GUCY1A2: variants seen among roughly 807,000 people sequenced by gnomAD.
GUCY1A2 encodes guanylate cyclase 1 soluble subunit alpha 2, also known as guanylate cyclase soluble subunit alpha-2.
In GUCY1A2, 27 loss-of-function variants were observed where a neutral mutation model predicts 63.5. The ratio of observed to expected loss-of-function variants is 0.43; its 90% CI spans 0.31 to 0.59. The LOEUF is 0.59. Among genes scored for constraint, GUCY1A2 ranks in the 20% least tolerant of loss-of-function variants. The pLI is 0.11. For synonymous variants in GUCY1A2, 364 were observed against 343.5 expected (o/e 1.06, Z -0.66); for missense variants, 768 against 913.3 (o/e 0.84, Z 2.05).
In GUCY1A2 at chr11:106,679,439, G is replaced by A. The variant is rs1386398640; in HGVS notation, c.*8110C>T. 2.6e-5 allele frequency: 5 copies of A among 195,920 alleles called. No homozygotes were observed. The allele number at this position is 195,920 out of a possible 1,614,324, so 12.1% of individuals were successfully genotyped here. On this transcript the variant is annotated 3_prime_UTR_variant, in exon 8 of 8. Coordinates refer to ENST00000526355, the MANE Select transcript of GUCY1A2 (RefSeq NM_000855.3). Reference sequence around the variant, plus strand: ...GCCAAACCCAATTTGAGAAGAATGTGAAGAAGAATATGGCGTAGAGTACAG... The same window carrying A: ...GCCAAACCCAATTTGAGAAGAATGTAAAGAAGAATATGGCGTAGAGTACAG...
chr11:106,939,379 A>T (rs771706802), intron 4 of GUCY1A2, 81 bp downstream of exon 4: 35 of 741,722 alleles, frequency 4.7e-5, no homozygotes, highest in Non-Finnish European at 7.3e-5. Flanking sequence ...AAATAATTAC[A>T]AGTACAGCCA....
chr11:106,950,836 G>A (rs963524966), intron 3 of GUCY1A2, among the ~76,000 whole-genome samples: 13 of 152,218 alleles, frequency 8.5e-5, no homozygotes, highest in Middle Eastern at 3.4e-3. Flanking sequence ...ATAGGTATGC[G>A]CTTGCCATGG....
At chr11:106,847,507 C>A (rs1214715314) in intron 4 of GUCY1A2, among the ~76,000 whole-genome samples, 2 of 151,316 alleles carry the variant, frequency 1.3e-5, no homozygotes, top group Admixed American at 6.6e-5. Context: ...ACACAAATTA[C>A]TCCAAGATGA....
At chr11:106,715,825 T>C (rs1863204046) in intron 6 of GUCY1A2, among the ~76,000 whole-genome samples, 1 of 152,164 alleles carries the variant, frequency 6.6e-6, no homozygotes, top group Non-Finnish European at 1.5e-5. Flanking sequence ...TAAACAGAAA[T>C]AAGTCTTCAT....
At chr11:106,936,329 T>C (rs1187386507) in intron 4 of GUCY1A2, among the ~76,000 whole-genome samples, 6 of 152,226 alleles carry the variant, frequency 3.9e-5, no homozygotes, top group Non-Finnish European at 5.9e-5. Context: ...CAATATTTGA[T>C]ATACATGGAA....
intron 1 of GUCY1A2, among the ~76,000 whole-genome samples, chr11:106,997,085 G>A (rs1861549257): frequency 6.6e-6 from 1 of 152,004 alleles, no homozygotes; most frequent in African/African-American, 2.4e-5. Context: ...AACTATCTGA[G>A]CACATTTTTT....
intron 3 of GUCY1A2, among the ~76,000 whole-genome samples, chr11:106,971,166 A>G (rs1049320276): frequency 6.6e-6 from 1 of 152,020 alleles, no homozygotes; most frequent in Non-Finnish European, 1.5e-5. Flanking sequence ...GCATTTTTCA[A>G]TACCCATAGA....
intron 3 of GUCY1A2, among the ~76,000 whole-genome samples, chr11:106,962,590 A>G (rs1177198824): frequency 1.3e-5 from 2 of 151,140 alleles, no homozygotes; most frequent in East Asian, 3.9e-4. Context: ...AAGTCTGTAT[A>G]TGAGTGTGTG....
intron 1 of GUCY1A2, among the ~76,000 whole-genome samples, chr11:107,012,072 A>G (rs1378233371): frequency 2.0e-5 from 3 of 152,174 alleles, no homozygotes; most frequent in African/African-American, 7.2e-5. Flanking sequence ...GTATTTTTAT[A>G]GAATTTATAA....
chr11:106,852,689 T>A (rs892422413), intron 4 of GUCY1A2, among the ~76,000 whole-genome samples: 17 of 152,160 alleles, frequency 1.1e-4, no homozygotes, highest in African/African-American at 4.1e-4. Context: ...CATTTTGATG[T>A]GAAATCGGGT....
chr11:106,817,882 A>G (rs533566580), intron 4 of GUCY1A2, among the ~76,000 whole-genome samples: 2 of 152,306 alleles, frequency 1.3e-5, no homozygotes, highest in South Asian at 4.1e-4. Flanking sequence ...GAACCCCTGT[A>G]CACTGTTGGT....
intron 4 of GUCY1A2, among the ~76,000 whole-genome samples, chr11:106,875,965 T>G (rs893431497): frequency 4.3e-4 from 65 of 152,126 alleles, no homozygotes; most frequent in African/African-American, 1.5e-3. Flanking sequence ...GCAGTTGATA[T>G]TCCATTACAA....
At chr11:106,884,345 C>A (rs757322003) in intron 4 of GUCY1A2, among the ~76,000 whole-genome samples, 1 of 152,040 alleles carries the variant, frequency 6.6e-6, no homozygotes, top group Non-Finnish European at 1.5e-5. Flanking sequence ...AACTTGTAGA[C>A]AACGTTTGTA....
chr11:106,693,211 T>A (rs1862656545), intron 7 of GUCY1A2, among the ~76,000 whole-genome samples: 1 of 152,234 alleles, frequency 6.6e-6, no homozygotes, highest in South Asian at 2.1e-4. Flanking sequence ...AGTGACATTT[T>A]AAAGACTTTA....
intron 1 of GUCY1A2, among the ~76,000 whole-genome samples, chr11:106,986,880 GACC>G (rs1328606791): frequency 6.6e-6 from 1 of 152,162 alleles, no homozygotes. Flanking sequence ...AGCAGCTCAT[GACC>G]ACATTTCATA....
intron 4 of GUCY1A2, among the ~76,000 whole-genome samples, chr11:106,836,087 A>T (rs1290251477): frequency 2.0e-5 from 3 of 151,976 alleles, no homozygotes; most frequent in Non-Finnish European, 4.4e-5. Context: ...TTTATAAACC[A>T]TATAGAGATT....
intron 6 of GUCY1A2, among the ~76,000 whole-genome samples, chr11:106,736,871 A>G (rs1863598733): frequency 6.6e-6 from 1 of 152,154 alleles, no homozygotes; most frequent in Non-Finnish European, 1.5e-5. Flanking sequence ...TGACACTTAC[A>G]GTGATCATTG....
intron 2 of GUCY1A2, among the ~76,000 whole-genome samples, chr11:106,979,924 C>T (rs1045626753): frequency 2.0e-5 from 3 of 152,138 alleles, no homozygotes; most frequent in Non-Finnish European, 4.4e-5. Context: ...TGCTATGGTA[C>T]TTTTCCCCCT....
At chr11:107,017,103 A>G (rs1591365786) in intron 1 of GUCY1A2, among the ~76,000 whole-genome samples, 1 of 152,186 alleles carries the variant, frequency 6.6e-6, no homozygotes, top group South Asian at 2.1e-4. Context: ...TGCCTAGTGG[A>G]TAAGAAAGAA....
Sources: gnomAD v4.1 joint callset for allele counts (sites outside exome capture counted in the v4.1 genomes callset) on GRCh38, gnomAD v4.1.1 for gene constraint, MANE v1.5 for transcripts, NCBI Gene and HGNC (gene_info 2026-07-23, HGNC 2026-07-21) for gene names.